Variants in DAG1 observed in about 807,000 individuals in gnomAD.
The protein encoded by DAG1 is dystroglycan 1 (dystrophin-associated glycoprotein 1).
A neutral mutation model predicts 46.1 loss-of-function variants in DAG1; 8 were observed. The ratio of observed to expected loss-of-function variants is 0.17; its 90% CI spans 0.10 to 0.31. DAG1 has a LOEUF of 0.31. Ranked by LOEUF, DAG1 falls within the 10% of genes least tolerant of loss-of-function variation. The probability of loss-of-function intolerance (pLI) is 1.00; values close to 1 mark genes in which losing one functional copy is unlikely to be tolerated. For missense variants in DAG1, 1,003 were observed against 1,189.9 expected, an observed-to-expected ratio of 0.84 and a Z score of 2.31; for synonymous variants, 495 against 481.8, an observed-to-expected ratio of 1.03 and a Z score of -0.36.
At chr3:49,502,043 G>A (rs929744691) in intron 1 of DAG1, among the ~76,000 whole-genome samples, 5 of 152,036 alleles carry the variant, frequency 3.3e-5, no homozygotes, top group African/African-American at 9.7e-5. Flanking sequence ...GTGTGGTGGC[G>A]CACACCTGTA....
At chr3:49,503,241 C>A (rs767165686) in intron 1 of DAG1, among the ~76,000 whole-genome samples, 5 of 152,156 alleles carry the variant, frequency 3.3e-5, no homozygotes, top group Non-Finnish European at 7.3e-5. Flanking sequence ...AGTGGTGTCA[C>A]ATTGGAACAT....
upstream of DAG1, among the ~76,000 whole-genome samples, chr3:49,469,587 G>C (rs77012634): frequency 1.3e-5 from 2 of 152,134 alleles, no homozygotes; most frequent in African/African-American, 4.8e-5. Flanking sequence ...TTCCAGGCAG[G>C]GGGAGGGGAC....
intron 2 of DAG1, among the ~76,000 whole-genome samples, chr3:49,519,856 G>T (rs1376252472): frequency 6.6e-6 from 1 of 152,198 alleles, no homozygotes; most frequent in African/African-American, 2.4e-5. Flanking sequence ...ATGTTAAGCT[G>T]CCCTTTACTT....
intron 1 of DAG1, among the ~76,000 whole-genome samples, chr3:49,507,807 T>C (rs1049380173): frequency 1.3e-5 from 2 of 151,912 alleles, no homozygotes; most frequent in Non-Finnish European, 2.9e-5. Flanking sequence ...CTGGGACTTC[T>C]GTCTTAAAAA....
At chr3:49,500,654 T>C (rs537017626) in intron 1 of DAG1, among the ~76,000 whole-genome samples, 55 of 152,166 alleles carry the variant, frequency 3.6e-4, no homozygotes, top group Non-Finnish European at 6.3e-4. Context: ...CCTACTCTCT[T>C]TTAGAGGATA....
upstream of DAG1, chr3:49,470,154 G>A (rs1379125391): frequency 1.3e-5 from 2 of 151,176 alleles, no homozygotes; most frequent in African/African-American, 4.8e-5. Context: ...GCGGCGCGCG[G>A]ACAGCCAGTC....
intron 1 of DAG1, among the ~76,000 whole-genome samples, chr3:49,504,841 G>A (rs1314113638): frequency 1.5e-5 from 2 of 136,114 alleles, no homozygotes; most frequent in African/African-American, 5.6e-5. Flanking sequence ...TCGATCTCCT[G>A]ACCTCGTGAT....
chr3:49,496,353 C>CTTTTTTT (rs752449720), intron 1 of DAG1, among the ~76,000 whole-genome samples: 1 of 84,126 alleles, frequency 1.2e-5, no homozygotes, highest in Non-Finnish European at 2.3e-5. Context: ...AAATTTTTAA[C>CTTTTTTT]TTTTTTTTTT....
At chr3:49,504,894 A>C (rs1347339732) in intron 1 of DAG1, among the ~76,000 whole-genome samples, 1 of 141,306 alleles carries the variant, frequency 7.1e-6, no homozygotes, top group African/African-American at 2.7e-5. Context: ...TACAGGTGTG[A>C]GCCACTGTGC....
At chr3:49,477,423 C>G (rs1024241663) in intron 1 of DAG1, among the ~76,000 whole-genome samples, 2 of 152,170 alleles carry the variant, frequency 1.3e-5, no homozygotes, top group African/African-American at 2.4e-5. Flanking sequence ...TCCCATGTAG[C>G]TGGGACTACA....
intron 1 of DAG1, among the ~76,000 whole-genome samples, chr3:49,497,741 T>G (rs1284140021): frequency 6.6e-6 from 1 of 152,194 alleles, no homozygotes; most frequent in East Asian, 1.9e-4. Flanking sequence ...GTGTATGGAC[T>G]TCAGTGGAAT....
At chr3:49,503,121 T>G (rs2050503235) in intron 1 of DAG1, among the ~76,000 whole-genome samples, 1 of 152,198 alleles carries the variant, frequency 6.6e-6, no homozygotes, top group Non-Finnish European at 1.5e-5. Flanking sequence ...TGTTTGCACT[T>G]TCCTGTCTGT....
chr3:49,514,803 A>ATG (rs1491498544), intron 2 of DAG1, among the ~76,000 whole-genome samples: 15 of 119,062 alleles, frequency 1.3e-4, no homozygotes, highest in African/African-American at 3.4e-4. Flanking sequence ...CACTCCTGGC[A>ATG]TATGTGTGTG....
In DAG1 at chr3:49,532,537, G is replaced by A. The variant is rs757032530; in HGVS notation, c.2026G>A (p.Gly676Arg). ...LEPCPKEQIA[G>R]LSRRIAEDDG... is the part of the protein sequence containing the mutation. ...GCCCTGCCCCAAGGAGCAGATCGCTGGGCTGAGCCGCCGGATCGCTGAGGA... is the reference window on the plus strand; with the variant it reads ...GCCCTGCCCCAAGGAGCAGATCGCTAGGCTGAGCCGCCGGATCGCTGAGGA... Residue 676 changes from glycine to arginine, a missense_variant, in exon 3 of 3, where the codon GGG (glycine) becomes AGG (arginine). Coordinates refer to ENST00000308775, the MANE Select transcript of DAG1 (RefSeq NM_004393.6). The surrounding 1 kb of genome is among the most constrained non-coding windows in gnomAD (Gnocchi z 5.4). 6.2e-7 allele frequency: 1 copy of A among 1,613,624 alleles called. No individual in the cohort carries two copies. Among genetic ancestry groups the A allele is most frequent in the Non-Finnish European group, 8.5e-7 (1 of 1,179,644 alleles).
chr3:49,535,082 G>C lies in DAG1; in HGVS notation c.*1883G>C, dbSNP rs1242050326. 1.3e-5 allele frequency: 2 copies of C among 152,244 alleles called. No homozygotes were observed. The highest frequency in any genetic ancestry group is 2.9e-5 in the Non-Finnish European group (2 of 68,046). 9.4% of individuals were successfully genotyped at this position (152,244 alleles called of 1,614,324 possible). On this transcript the variant is annotated 3_prime_UTR_variant, in exon 3 of 3. Transcript: ENST00000308775. ...CAGTCCCCAGGGGGTACTCTGGAGT[G>C]AGCAGTGCCCCTGTGGGGGAGCCTG...
In DAG1 at chr3:49,533,114, C is replaced by T. The variant is rs2051414549; in HGVS notation, c.2603C>T (p.Pro868Leu). The change falls in exon 3 of 3, where the codon CCC becomes CTC. Residue 868 changes from proline to leucine, a missense_variant. Around this residue, in one of 3 missense-constraint regions of DAG1, gnomAD observed 755 missense variants for 854.1 expected, o/e 0.88. Coordinates refer to ENST00000308775, the MANE Select transcript of DAG1 (RefSeq NM_004393.6). ...PNAPPYQPPP[P>L]FTAPMEGKGS... ...GCGCCTCCCTACCAGCCCCCACCGC[C>T]CTTCACAGCACCCATGGAGGGCAAG... 2 of 1,614,216 alleles carry T rather than the reference C, an allele frequency of 1.2e-6. No individual in the cohort carries two copies. Among genetic ancestry groups the T allele is most frequent in the Non-Finnish European group, 1.7e-6 (2 of 1,180,028 alleles).
chr3:49,517,420 C>T (rs1355271576), intron 2 of DAG1, among the ~76,000 whole-genome samples: 3 of 152,166 alleles, frequency 2.0e-5, no homozygotes, highest in Non-Finnish European at 4.4e-5. Context: ...TTTTAGAAGA[C>T]TTCCCTCGTA....
At chr3:49,525,066 G>A (rs1335064320) in intron 2 of DAG1, among the ~76,000 whole-genome samples, 2 of 152,094 alleles carry the variant, frequency 1.3e-5, no homozygotes, top group African/African-American at 4.8e-5. Context: ...AGTGCTGCTT[G>A]GGCCTGATGT....
chr3:49,472,354 A>G (rs760716964), intron 1 of DAG1, among the ~76,000 whole-genome samples: 87 of 152,174 alleles, frequency 5.7e-4, no homozygotes, highest in Non-Finnish European at 1.2e-3. Flanking sequence ...AAGACCAAGC[A>G]TAACCAAGGA....
Sources: allele counts gnomAD v4.1 joint callset (sites outside exome capture counted in the v4.1 genomes callset), GRCh38; gene constraint gnomAD v4.1.1; regional missense constraint gnomAD v4.1.1; non-coding constraint Gnocchi (gnomAD v3.1); transcripts MANE v1.5; gene names NCBI Gene and HGNC (gene_info 2026-07-23, HGNC 2026-07-21).